Variants in KCNAB1 observed in about 807,000 individuals in gnomAD.
KCNAB1 encodes the protein voltage-gated potassium channel subunit beta-1.
Under a neutral mutation model 64.6 loss-of-function variants are expected in KCNAB1, and 35 were observed. The observed-to-expected ratio is 0.54, with a 90% CI of 0.41 to 0.72. KCNAB1 has a LOEUF of 0.72. Among genes scored for constraint, KCNAB1 ranks in the 30% least tolerant of loss-of-function variants. The probability of loss-of-function intolerance (pLI) is 0.00; values close to 1 mark genes in which losing one functional copy is unlikely to be tolerated. For synonymous variants in KCNAB1, 177 were observed against 183.8 expected, an observed-to-expected ratio of 0.96 and a Z score of 0.30; for missense variants, 401 against 512.9, an observed-to-expected ratio of 0.78 and a Z score of 2.11.
chr3:156,131,951 G>C (rs1285186793), intron 1 of KCNAB1, among the ~76,000 whole-genome samples: 1 of 152,202 alleles, frequency 6.6e-6, no homozygotes, highest in Non-Finnish European at 1.5e-5. Context: ...CCTGTAAGTG[G>C]TATCTGCAGG....
intron 5 of KCNAB1, among the ~76,000 whole-genome samples, chr3:156,462,350 C>A (rs752565980): frequency 1.3e-5 from 2 of 152,184 alleles, no homozygotes; most frequent in Non-Finnish European, 2.9e-5. Flanking sequence ...AAAAGGACTG[C>A]ATTCATTTTT....
intron 1 of KCNAB1, among the ~76,000 whole-genome samples, chr3:156,155,473 C>A (rs1404379145): frequency 3.9e-5 from 6 of 152,134 alleles, no homozygotes; most frequent in African/African-American, 1.2e-4. Flanking sequence ...TGACAGGGAG[C>A]AGTTGCCATT....
chr3:156,378,834 G>T (rs1711928426), intron 1 of KCNAB1, among the ~76,000 whole-genome samples: 1 of 152,272 alleles, frequency 6.6e-6, no homozygotes, highest in South Asian at 2.1e-4. Flanking sequence ...CAAGAGCCAA[G>T]CTGGACTCAA....
chr3:156,468,764 CAGCTACA>C (rs1713628622), intron 7 of KCNAB1, among the ~76,000 whole-genome samples: 1 of 152,198 alleles, frequency 6.6e-6, no homozygotes, highest in Admixed American at 6.5e-5. Flanking sequence ...CATTCTGAAA[CAGCTACA>C]ATAAGTGACA....
intron 8 of KCNAB1, among the ~76,000 whole-genome samples, chr3:156,478,484 C>T (rs1714544893): frequency 6.6e-6 from 1 of 152,054 alleles, no homozygotes; most frequent in Non-Finnish European, 1.5e-5. Context: ...GAGTTCAGCC[C>T]AACCCAGTGC....
At chr3:156,386,679 A>G (rs937835143) in intron 1 of KCNAB1, among the ~76,000 whole-genome samples, 1 of 152,204 alleles carries the variant, frequency 6.6e-6, no homozygotes, top group Non-Finnish European at 1.5e-5. Flanking sequence ...GATTATCAAT[A>G]TAAGTGTAAA....
chr3:156,247,967 A>G (rs942405196), intron 1 of KCNAB1, among the ~76,000 whole-genome samples: 3 of 152,078 alleles, frequency 2.0e-5, no homozygotes, highest in South Asian at 2.1e-4. Flanking sequence ...AACCGTTTCT[A>G]TATCTCCAGT....
chr3:156,228,734 G>C (rs1161879695), intron 1 of KCNAB1, among the ~76,000 whole-genome samples: 6 of 152,214 alleles, frequency 3.9e-5, no homozygotes, highest in Non-Finnish European at 5.9e-5. Context: ...GTCAATGGGG[G>C]ATAGATCAGA....
intron 1 of KCNAB1, among the ~76,000 whole-genome samples, chr3:156,416,387 A>G (rs1032093668): frequency 3.9e-5 from 6 of 152,024 alleles, no homozygotes; most frequent in African/African-American, 1.4e-4. Flanking sequence ...TCAATTACCC[A>G]TGCTTCTTCC....
In KCNAB1 at chr3:156,133,162, G is replaced by A. The variant is rs112305279; in HGVS notation, c.275+12276G>A. Among the ~76,000 whole-genome samples the A allele has an allele frequency of 1.6e-4, 25 of 152,314 alleles. 1 individual carries two copies. Among genetic ancestry groups the A allele is most frequent in the African/African-American group, 6.0e-4 (25 of 41,572 alleles). On this transcript the variant is annotated intron_variant, in intron 1 of 13. Coordinates refer to ENST00000490337, the MANE Select transcript of KCNAB1 (RefSeq NM_172160.3). Reference sequence around the variant, plus strand: ...GCTGTTGAATTATTTAATTACCTCTGGGATTTAGGAGGTGAGAGTCAGCAT... The same window carrying A: ...GCTGTTGAATTATTTAATTACCTCTAGGATTTAGGAGGTGAGAGTCAGCAT...
At chr3:156,159,722 G>A (rs1287650523) in intron 1 of KCNAB1, among the ~76,000 whole-genome samples, 1 of 152,186 alleles carries the variant, frequency 6.6e-6, no homozygotes, top group African/African-American at 2.4e-5. Flanking sequence ...AGTTTTCTGA[G>A]GCTTGAAGAA....
At chr3:156,507,351 CA>C (rs1257765336) in intron 8 of KCNAB1, among the ~76,000 whole-genome samples, 2 of 149,526 alleles carry the variant, frequency 1.3e-5, no homozygotes, top group South Asian at 2.1e-4. Context: ...GTGATGGGAC[CA>C]AAAAAAAACA....
intron 1 of KCNAB1, among the ~76,000 whole-genome samples, chr3:156,354,102 GTATA>G (rs1162327469): frequency 3.2e-5 from 4 of 123,660 alleles, no homozygotes; most frequent in Admixed American, 8.1e-5. Flanking sequence ...TATAATATAT[GTATA>G]TATATGTGTG....
chr3:156,224,013 T>TG (rs992070984), intron 1 of KCNAB1, among the ~76,000 whole-genome samples: 14 of 152,252 alleles, frequency 9.2e-5, no homozygotes, highest in Middle Eastern at 3.4e-3. Flanking sequence ...TGCAGTTGGT[T>TG]GGGGGGGATG....
chr3:156,473,136 C>G (rs1050948097), intron 7 of KCNAB1, among the ~76,000 whole-genome samples: 1 of 152,210 alleles, frequency 6.6e-6, no homozygotes, highest in Non-Finnish European at 1.5e-5. Flanking sequence ...CTTCTGCTGT[C>G]TTCCCCCTGA....
At chr3:156,234,250 A>C (rs1716723717) in intron 1 of KCNAB1, among the ~76,000 whole-genome samples, 1 of 152,170 alleles carries the variant, frequency 6.6e-6, no homozygotes, top group African/African-American at 2.4e-5. Context: ...GATGAGGACC[A>C]TGCTTGAAGG....
chr3:156,445,779 G>A (rs944221067), intron 2 of KCNAB1, among the ~76,000 whole-genome samples: 1 of 152,278 alleles, frequency 6.6e-6, no homozygotes, highest in African/African-American at 2.4e-5. Flanking sequence ...AAACTATGCG[G>A]TTACAATATA....
intron 1 of KCNAB1, among the ~76,000 whole-genome samples, chr3:156,274,230 T>C (rs1719203398): frequency 6.6e-6 from 1 of 152,006 alleles, no homozygotes; most frequent in African/African-American, 2.4e-5. Flanking sequence ...ACCACAAAAC[T>C]ATGCATGGGA....
intron 13 of KCNAB1, among the ~76,000 whole-genome samples, chr3:156,534,503 A>C (rs1032891466): frequency 6.6e-6 from 1 of 152,124 alleles, no homozygotes; most frequent in Non-Finnish European, 1.5e-5. Context: ...CCATCAGAGA[A>C]GGCCAGGCTC....
Sources: allele counts gnomAD v4.1 joint callset (sites outside exome capture counted in the v4.1 genomes callset), GRCh38; gene constraint gnomAD v4.1.1; transcripts MANE v1.5; gene names NCBI Gene and HGNC (gene_info 2026-07-23, HGNC 2026-07-21).